ZNF845: variants seen among roughly 807,000 people sequenced by gnomAD.
The protein encoded by ZNF845 is zinc finger protein 845.
Under a neutral mutation model 76.1 loss-of-function variants are expected in ZNF845, and 59 were observed. The observed-to-expected ratio is 0.78, with a 90% CI of 0.63 to 0.96. The LOEUF (loss-of-function observed/expected upper bound fraction) is 0.96, where lower values mean the gene tolerates loss of function less well. Among genes scored for constraint, ZNF845 ranks in the 40% least tolerant of loss-of-function variants. The pLI, the probability that ZNF845 is intolerant of heterozygous loss-of-function variation, is 0.00. For synonymous variants in ZNF845, 361 were observed against 386.9 expected (o/e 0.93, Z 0.78); for missense variants, 1,045 against 1,172.8 (o/e 0.89, Z 1.59).
rs1343847556 is a variant in ZNF845, at chr19:53,356,634, A to G, written c.*3046A>G. The G allele has an allele frequency of 6.6e-6, 1 of 152,130 alleles. No individual in the cohort carries two copies. Among genetic ancestry groups the G allele is most frequent in the Non-Finnish European group, 1.5e-5 (1 of 68,048 alleles). The allele number at this position is 152,130 out of a possible 1,614,324, so 9.4% of individuals were successfully genotyped here. Reference sequence around the variant, plus strand: ...TCTTTTCTCAGGACGTTTATTTAGAAAATTTGTAAATGAGGCCGGGCGTGG... The same window carrying G: ...TCTTTTCTCAGGACGTTTATTTAGAGAATTTGTAAATGAGGCCGGGCGTGG... On this transcript the variant is annotated 3_prime_UTR_variant, in exon 4 of 4. Coordinates refer to ENST00000458035, the MANE Select transcript of ZNF845 (RefSeq NM_138374.3).
intron 2 of ZNF845, 80 bp from the exon 3 acceptor site, chr19:53,345,426 T>C: frequency 6.2e-7 from 1 of 1,607,894 alleles, no homozygotes; most frequent in Admixed American, 1.7e-5. Flanking sequence ...AATCCATGCT[T>C]TCCTCTCTCC....
rs1395852260 is a variant in ZNF845, at chr19:53,353,229, A to G, written c.2554A>G (p.Ile852Val). 1 of 1,613,926 alleles carries G rather than the reference A, an allele frequency of 6.2e-7. No homozygotes were observed. The highest frequency in any genetic ancestry group is 8.5e-7 in the Non-Finnish European group (1 of 1,179,878). ...TTCAGCCCTTGAAATTCATAAGGCA[A>G]TTCATACTGGAGAAAAACCTTACAA... The part of the protein sequence containing the change: ...HNSALEIHKA[I>V]HTGEKPYKCS... Residue 852 changes from isoleucine (I) to valine (V), a missense_variant, in exon 4 of 4, where the codon ATT becomes GTT. Ile to Val is a conservative substitution (Grantham distance 29). Coordinates refer to ENST00000458035, the MANE Select transcript of ZNF845 (RefSeq NM_138374.3).
At chr19:53,341,081 CT>C (rs1457785886) in intron 1 of ZNF845, among the ~76,000 whole-genome samples, 153 bp from the exon 2 acceptor site, 1 of 152,134 alleles carries the variant, frequency 6.6e-6, no homozygotes, top group Admixed American at 6.5e-5. Flanking sequence ...GTTTTTTCAC[CT>C]TCCACTGCCT....
chr19:53,351,218 T>C lies in ZNF845; in HGVS notation c.543T>C (p.Ser181=), dbSNP rs747437987. ...TGGTTTCAACATCCCAAAGAATTTC[T>C]TGTAGGCCTAAAACCCACATTTCTA... is the stretch of plus-strand genomic sequence containing the variant. The part of the protein sequence containing the change: ...ASLVSTSQRI[S]CRPKTHISKN... The change falls in exon 4 of 4, where the codon TCT becomes TCC. Residue 181 remains serine, a synonymous_variant. Transcript: ENST00000458035. The C allele has an allele frequency of 1.9e-6, 3 of 1,614,124 alleles. No homozygotes were observed. Among genetic ancestry groups the C allele is most frequent in the South Asian group, 1.1e-5 (1 of 91,090 alleles).
rs2085219518 is a variant in ZNF845, at chr19:53,336,918, A to G, written c.-74+3126A>G. Among the ~76,000 whole-genome samples the G allele has an allele frequency of 2.6e-5, 4 of 152,256 alleles. No homozygotes were observed. In the South Asian group the frequency reaches 8.3e-4, roughly 31 times the overall value. ...AACCTTTAACATCAAAATGTAGTTT[A>G]ACGAGTTAGCCTGTTTTTCAGTTTT... On this transcript the variant is annotated intron_variant, in intron 1 of 3. Coordinates refer to ENST00000458035, the MANE Select transcript of ZNF845 (RefSeq NM_138374.3).
Position 53,351,210 on chromosome 19 carries a change from A to C in ZNF845, c.535A>C (p.Arg179=). 2 of 1,614,260 alleles carry C rather than the reference A, an allele frequency of 1.2e-6. No homozygotes were observed. Among genetic ancestry groups the C allele is most frequent in the Non-Finnish European group, 1.7e-6 (2 of 1,180,042 alleles). ...TGCTTCGTTGGTTTCAACATCCCAA[A>C]GAATTTCTTGTAGGCCTAAAACCCA... ...NSASLVSTSQ[R]ISCRPKTHIS... Residue 179 remains arginine (R), a synonymous_variant, in exon 4 of 4, where the codon AGA becomes CGA. Coordinates refer to ENST00000458035, the MANE Select transcript of ZNF845 (RefSeq NM_138374.3).
intron 1 of ZNF845, among the ~76,000 whole-genome samples, chr19:53,340,343 T>C (rs111443903): frequency 2.8e-3 from 425 of 152,318 alleles, no homozygotes; most frequent in Non-Finnish European, 4.7e-3. Flanking sequence ...TGAGCCACTG[T>C]GCCCAGCCTC....
At chr19:53,345,731 G>A (rs747511505) in intron 3 of ZNF845, 99 bp downstream of exon 3, 48 of 1,569,710 alleles carry the variant, frequency 3.1e-5, no homozygotes, top group African/African-American at 6.9e-5. Context: ...CACCCAGGGT[G>A]GAGTGAAATG....
chr19:53,354,085 A>C lies in ZNF845; in HGVS notation c.*497A>C. ...AGACTTCATACAGGAGACAAACTTC[A>C]CAAGTATGATGATTGCAGCAAAGCC... On this transcript the variant is annotated 3_prime_UTR_variant, in exon 4 of 4. Coordinates refer to ENST00000458035, the MANE Select transcript of ZNF845 (RefSeq NM_138374.3). The C allele has an allele frequency of 3.9e-6, 2 of 510,686 alleles. No homozygotes were observed. Among genetic ancestry groups the C allele is most frequent in the Non-Finnish European group, 7.6e-6 (2 of 263,502 alleles). 31.6% of individuals were successfully genotyped at this position (510,686 alleles called of 1,614,324 possible).
chr19:53,340,934 AC>A, intron 1 of ZNF845: 2 of 391,042 alleles, frequency 5.1e-6, no homozygotes, highest in Non-Finnish European at 4.5e-6. Flanking sequence ...AGGTGCAAAC[AC>A]CCCTCCTTCC....
chr19:53,344,111 TAACAG>T (rs2085276757), intron 2 of ZNF845, among the ~76,000 whole-genome samples: 1 of 152,124 alleles, frequency 6.6e-6, no homozygotes, highest in African/African-American at 2.4e-5. Flanking sequence ...GTAACTGGGA[TAACAG>T]GCATGTGCCA....
At chr19:53,338,315 G>T (rs1009107650) in intron 1 of ZNF845, among the ~76,000 whole-genome samples, 1 of 152,170 alleles carries the variant, frequency 6.6e-6, no homozygotes, top group Non-Finnish European at 1.5e-5. Flanking sequence ...CAGTGCCGAG[G>T]CATCTCCATT....
At chr19:53,341,177 T>C in intron 1 of ZNF845, 58 bp from the exon 2 acceptor site, 1 of 1,386,608 alleles carries the variant, frequency 7.2e-7, no homozygotes, top group Non-Finnish European at 1.0e-6. Context: ...TGTTTCATTG[T>C]GTTAACGGAG....
intron 1 of ZNF845, among the ~76,000 whole-genome samples, chr19:53,334,068 G>A (rs112902966): frequency 0.064 from 9,767 of 152,160 alleles, 329 homozygotes; most frequent in Middle Eastern, 0.12. Flanking sequence ...GACTCCTCCC[G>A]ACCCGCACTT....
In ZNF845 at chr19:53,345,066, T is replaced by C. The variant is rs148858204; in HGVS notation, c.16-440T>C. Among the ~76,000 whole-genome samples the C allele has an allele frequency of 1.8e-3, 271 of 152,240 alleles. 1 individual carries two copies. Among genetic ancestry groups the C allele is most frequent in the African/African-American group, 6.0e-3 (248 of 41,564 alleles). On this transcript the variant is annotated intron_variant, in intron 2 of 3. Transcript: ENST00000458035. ...GGTGTGGTGGCTCATGCCTGTAATC[T>C]CAGCACTTTGCGAGGCCGAGGCAGG...
Position 53,345,493 on chromosome 19 carries a change from G to T in ZNF845, c.16-13G>T, listed in dbSNP as rs1310549969. 1 of 1,613,590 alleles carries T rather than the reference G, an allele frequency of 6.2e-7. No individual in the cohort carries two copies. The highest frequency in any genetic ancestry group is 8.5e-7 in the Non-Finnish European group (1 of 1,179,712). ...TCCCATAACCATTTCCTTAAAATGTGTTTTCATTTCAGGGTCTATTGACAT... is the reference window on the plus strand; with the variant it reads ...TCCCATAACCATTTCCTTAAAATGTTTTTTCATTTCAGGGTCTATTGACAT... On this transcript the variant is annotated splice_polypyrimidine_tract_variant and intron_variant, in intron 2 of 3. Transcript: ENST00000458035.
At chr19:53,346,762 T>G (rs1345329241) in intron 3 of ZNF845, among the ~76,000 whole-genome samples, 1 of 152,244 alleles carries the variant, frequency 6.6e-6, no homozygotes, top group Non-Finnish European at 1.5e-5. Flanking sequence ...TATTTCTGTG[T>G]GTGTTGCATT....
intron 2 of ZNF845, 77 bp downstream of exon 2, chr19:53,341,399 C>CT: frequency 2.5e-6 from 4 of 1,599,512 alleles, no homozygotes; most frequent in Non-Finnish European, 3.4e-6. Flanking sequence ...GGAATCTTCT[C>CT]TGAGTCTGAA....
rs1555822544 is a variant in ZNF845 at position 53,344,604 on chromosome 19, A to ATTTATTTTATTTATTTTATTTTAT, written c.16-890_16-889insATTTTATTTTATTTTATTTTATTT. Reference sequence around the variant, plus strand: ...CCTACATTGATTTTTATTTTATTTTATTTATTTTATTTTATTTTATTTTAT... The same window carrying ATTTATTTTATTTATTTTATTTTAT: ...CCTACATTGATTTTTATTTTATTTTATTTATTTTATTTATTTTATTTTATTTTATTTTATTTTATTTTATTTTAT... On this transcript the variant is annotated intron_variant, in intron 2 of 3. Transcript: ENST00000458035. Among the ~76,000 whole-genome samples the ATTTATTTTATTTATTTTATTTTAT allele has an allele frequency of 5.5e-4, 70 of 126,934 alleles. 1 individual carries two copies. The East Asian group carries it at 8.6e-3, about 16-fold the overall frequency. The allele number at this position is 126,934 out of a possible 152,430, so 83.3% of individuals were successfully genotyped here. A position where few individuals can be genotyped will look rare whatever the true frequency, so the allele number is the denominator to read the frequency against.
Sources: allele counts gnomAD v4.1 joint callset (sites outside exome capture counted in the v4.1 genomes callset), GRCh38; gene constraint gnomAD v4.1.1; transcripts MANE v1.5; gene names NCBI Gene and HGNC (gene_info 2026-07-23, HGNC 2026-07-21).